Variants in PCLO observed in about 807,000 individuals in gnomAD.
PCLO encodes the protein piccolo presynaptic cytomatrix protein, also known as protein piccolo.
Under a neutral mutation model 427.5 loss-of-function variants are expected in PCLO, and 82 were observed. That is an observed-to-expected ratio of 0.19 (90% CI 0.16 to 0.23). The LOEUF (loss-of-function observed/expected upper bound fraction) is 0.23. Among genes scored for constraint, PCLO ranks in the 10% least tolerant of loss-of-function variants. The probability of loss-of-function intolerance (pLI) is 1.00; values close to 1 mark genes in which losing one functional copy is unlikely to be tolerated. For synonymous variants in PCLO, 2,357 were observed against 2,155.4 expected (o/e 1.09, Z -2.59); for missense variants, 6,239 against 6,115.9 (o/e 1.02, Z -0.67).
chr7:83,092,719 G>A (rs184822433), intron 3 of PCLO, among the ~76,000 whole-genome samples: 1 of 152,190 alleles, frequency 6.6e-6, no homozygotes, highest in Admixed American at 6.5e-5. Flanking sequence ...AGAGGCCGAG[G>A]CAGGGGGATC....
chr7:82,764,618 T>C (rs1186858349), intron 22 of PCLO, among the ~76,000 whole-genome samples: 1 of 151,922 alleles, frequency 6.6e-6, no homozygotes, highest in Non-Finnish European at 1.5e-5. Flanking sequence ...GTCAGGCATA[T>C]GGAATCAATA....
chr7:82,760,870 G>C (rs1790416690), intron 23 of PCLO, 86 bp from the exon 24 acceptor site: 2 of 429,834 alleles, frequency 4.7e-6, no homozygotes, highest in Non-Finnish European at 7.3e-6. Flanking sequence ...GAGAGTTCTT[G>C]TTACATTTTG....
intron 3 of PCLO, among the ~76,000 whole-genome samples, chr7:83,034,514 T>G (rs1232461355): frequency 2.0e-5 from 3 of 152,146 alleles, no homozygotes; most frequent in African/African-American, 7.2e-5. Flanking sequence ...AAAATACTTT[T>G]GCGGAAAAAA....
chr7:83,031,812 C>A (rs547283163), intron 3 of PCLO, among the ~76,000 whole-genome samples: 1 of 150,290 alleles, frequency 6.7e-6, no homozygotes, highest in Admixed American at 6.6e-5. Context: ...TATTTCAGAC[C>A]CACTAGAAAG....
intron 7 of PCLO, among the ~76,000 whole-genome samples, chr7:82,912,664 TTTA>T (rs1794350992): frequency 6.6e-6 from 1 of 152,028 alleles, no homozygotes; most frequent in African/African-American, 2.4e-5. Flanking sequence ...CATCCTCTAT[TTTA>T]TCAAAACAAT....
intron 3 of PCLO, among the ~76,000 whole-genome samples, chr7:82,980,106 T>C (rs540249734): frequency 3.9e-5 from 6 of 152,046 alleles, no homozygotes; most frequent in Non-Finnish European, 5.9e-5. Context: ...CACCTGAAGA[T>C]ACTTGAGACA....
chr7:83,029,959 T>G (rs1788616805), intron 3 of PCLO, among the ~76,000 whole-genome samples: 2 of 105,620 alleles, frequency 1.9e-5, no homozygotes, highest in African/African-American at 3.7e-5. Flanking sequence ...TGGGGACTGT[T>G]GTGGGGTGGG....
In PCLO at chr7:82,966,487, T is replaced by C. The variant is rs770328963; in HGVS notation, c.3301A>G (p.Ile1101Val). The C allele has an allele frequency of 3.9e-6, 6 of 1,544,562 alleles. No individual in the cohort carries two copies. In the South Asian group the frequency reaches 4.8e-5, roughly 12 times the overall value. The change falls in exon 4 of 25, where the codon ATT becomes GTT. Residue 1101 changes from isoleucine to valine, a missense_variant and splice_region_variant. Around this residue, in one of 5 missense-constraint regions of PCLO, gnomAD observed 4,677 missense variants for 4,468.4 expected, o/e 1.05. Coordinates refer to ENST00000333891, the MANE Select transcript of PCLO (RefSeq NM_033026.6). ...CAATTTAAACAAAGCCATTCTTGAA[T>C]CTGTGGGAAAAAAATTACAATGAAC... ...GFNPTPHLTE[I>V]QEWLCLNCQT...
chr7:82,810,301 G>A (rs1184477455), intron 20 of PCLO, among the ~76,000 whole-genome samples: 2 of 151,570 alleles, frequency 1.3e-5, no homozygotes, highest in African/African-American at 4.8e-5. Flanking sequence ...GACCTACTAT[G>A]TGTGAATGTA....
chr7:83,047,293 T>C (rs1789126743), intron 3 of PCLO, among the ~76,000 whole-genome samples: 1 of 152,026 alleles, frequency 6.6e-6, no homozygotes, highest in South Asian at 2.1e-4. Context: ...GAATATATCT[T>C]TATATGTACA....
At chr7:82,781,230 A>G (rs1790865684) in intron 22 of PCLO, among the ~76,000 whole-genome samples, 1 of 151,600 alleles carries the variant, frequency 6.6e-6, no homozygotes, top group Admixed American at 6.6e-5. Context: ...GTTTAATATA[A>G]ATTTAATTAA....
rs773518507 is a variant in PCLO, at chr7:82,956,138, T to A, written c.4815A>T (p.Ala1605=). Residue 1605 remains alanine (A), a synonymous_variant, in exon 5 of 25, where the codon GCA becomes GCT. Transcript: ENST00000333891. ...TTCGAGTCAGTCGTCTGTGTTTCCC[T>A]GCTGTTATTTTGCCTTTTCCCTTTG... ...EETKGKGKIT[A]GKHRRLTRKS... The A allele has an allele frequency of 1.6e-5, 25 of 1,608,724 alleles. No individual in the cohort carries two copies. The highest frequency in any genetic ancestry group is 2.0e-5 in the Non-Finnish European group (24 of 1,179,860).
intron 2 of PCLO, among the ~76,000 whole-genome samples, chr7:83,149,860 T>C (rs1792084989): frequency 6.6e-6 from 1 of 152,214 alleles, no homozygotes; most frequent in African/African-American, 2.4e-5. Context: ...TGGAGAAAGT[T>C]TATATGAAAG....
At chr7:82,860,518 G>A (rs1490724927) in intron 10 of PCLO, among the ~76,000 whole-genome samples, 1 of 152,004 alleles carries the variant, frequency 6.6e-6, no homozygotes, top group Admixed American at 6.6e-5. Flanking sequence ...AAAAAGCTGA[G>A]GGATTTCAAT....
At chr7:82,937,946 C>CT (rs1562868671) in intron 6 of PCLO, among the ~76,000 whole-genome samples, 2 of 151,832 alleles carry the variant, frequency 1.3e-5, no homozygotes, top group African/African-American at 4.8e-5. Context: ...AATCTGAGAA[C>CT]TTTCCTAATG....
At chr7:83,136,861 C>A (rs575132583) in intron 2 of PCLO, among the ~76,000 whole-genome samples, 1 of 152,082 alleles carries the variant, frequency 6.6e-6, no homozygotes, top group Admixed American at 6.5e-5. Context: ...TGTTTGATAC[C>A]ATATTTTACA....
At chr7:82,978,502 A>G (rs976882700) in intron 3 of PCLO, among the ~76,000 whole-genome samples, 1 of 152,114 alleles carries the variant, frequency 6.6e-6, no homozygotes, top group South Asian at 2.1e-4. Flanking sequence ...CACAATTTCT[A>G]TGATATTCCT....
intron 3 of PCLO, among the ~76,000 whole-genome samples, chr7:83,131,032 ATT>A (rs1791559002): frequency 6.6e-6 from 1 of 152,232 alleles, no homozygotes; most frequent in African/African-American, 2.4e-5. Context: ...CTCATTTTGA[ATT>A]TGATTACCAG....
chr7:82,794,325 C>G (rs1791169290), intron 22 of PCLO, among the ~76,000 whole-genome samples: 1 of 151,604 alleles, frequency 6.6e-6, no homozygotes, highest in Non-Finnish European at 1.5e-5. Context: ...GGAATTACTG[C>G]TAGTTAGAAT....
Sources: gnomAD v4.1 joint callset for allele counts (sites outside exome capture counted in the v4.1 genomes callset) on GRCh38, gnomAD v4.1.1 for gene constraint, gnomAD v4.1.1 regional missense constraint, MANE v1.5 for transcripts, NCBI Gene and HGNC (gene_info 2026-07-23, HGNC 2026-07-21) for gene names.